The following RPS6KA6 variants were observed in gnomAD, a reference collection of about 807,000 sequenced individuals.
RPS6KA6 encodes the protein ribosomal protein S6 kinase A6.
A neutral mutation model predicts 65.4 loss-of-function variants in RPS6KA6; 27 were observed. The ratio of observed to expected loss-of-function variants is 0.41; its 90% confidence interval spans 0.30 to 0.57. The LOEUF is 0.57. Ranked by LOEUF, RPS6KA6 falls within the 20% of genes least tolerant of loss-of-function variation. The probability of loss-of-function intolerance (pLI) is 0.24; values close to 1 mark genes in which losing one functional copy is unlikely to be tolerated. For synonymous variants in RPS6KA6, 190 were observed against 184.2 expected (o/e 1.03, Z -0.26); for missense variants, 486 against 555.6 (o/e 0.87, Z 1.26).
rs987473045 is a variant in RPS6KA6 at position 84,143,448 on chromosome X, A to G, written c.501+2030T>C. Among the ~76,000 whole-genome samples, 8 of 111,339 alleles carry G rather than the reference A, an allele frequency of 7.2e-5. No individual in the cohort carries two copies. The Admixed American group carries it at 7.6e-4, about 11-fold the overall frequency. The stretch of plus-strand genomic sequence containing the variant: ...AATTAGGAAGTCAATTCTATTTACA[A>G]TAACATTAAAAACAGGATTTACTTA... On this transcript the variant is annotated intron_variant, in intron 6 of 21. Transcript: ENST00000262752.
chrX:84,094,320 A>C (rs1205890048), intron 20 of RPS6KA6, among the ~76,000 whole-genome samples: 7 of 107,995 alleles, frequency 6.5e-5, no homozygotes, highest in Non-Finnish European at 1.1e-4. Flanking sequence ...AAAAAAAAAA[A>C]AAAAAAAAAA....
rs190064392 is a variant in RPS6KA6, at chrX:84,107,593, T to C, written c.1111+30A>G. ...TTTTAAACTATCTACTTAAATAAAA[T>C]CTCTGATTTTACAGATAAACATGCA... On this transcript the variant is annotated intron_variant, in intron 13 of 21. Coordinates refer to ENST00000262752, the MANE Select transcript of RPS6KA6 (RefSeq NM_014496.5). 4.6e-4 allele frequency: 415 copies of C among 902,573 alleles called. 9 individuals are homozygous for C. In the Admixed American group the frequency reaches 0.011, roughly 24 times the overall value. 74.4% of individuals were successfully genotyped at this position (902,573 alleles called of 1,213,427 possible).
At chrX:84,101,195 G>A (rs1185817456) in intron 18 of RPS6KA6, among the ~76,000 whole-genome samples, 4 of 111,085 alleles carry the variant, frequency 3.6e-5, no homozygotes, top group Non-Finnish European at 7.6e-5. Flanking sequence ...GTAATTACAT[G>A]TCAGTATTAT....
intron 1 of RPS6KA6, among the ~76,000 whole-genome samples, chrX:84,172,811 C>T (rs1021659114): frequency 9.9e-5 from 11 of 111,570 alleles, no homozygotes; most frequent in Admixed American, 5.7e-4. Context: ...TTCTGACACA[C>T]GCTGCAACAT....
At chrX:84,097,204 T>A (rs2034175808) in intron 19 of RPS6KA6, among the ~76,000 whole-genome samples, 1 of 111,768 alleles carries the variant, frequency 8.9e-6, no homozygotes, top group Non-Finnish European at 1.9e-5. Flanking sequence ...TAAATAAAAG[T>A]GCTACTCATT....
chrX:84,070,993 C>T (rs988505407), intron 20 of RPS6KA6, among the ~76,000 whole-genome samples: 4 of 111,135 alleles, frequency 3.6e-5, no homozygotes, highest in African/African-American at 1.3e-4. Context: ...AAAGTGATTC[C>T]TAATAGTGGG....
chrX:84,102,022 GT>G lies in RPS6KA6; in HGVS notation c.1776+14del. 8.7e-7 allele frequency: 1 copy of G among 1,154,511 alleles called. No homozygotes were observed. Among genetic ancestry groups the G allele is most frequent in the Non-Finnish European group, 1.2e-6 (1 of 864,282 alleles). ...AAAAGAATGAAAGGCAAATGGTGAA[GT>G]TTTTAAGGAATACCTCAGGTGCAAC... On this transcript the variant is annotated intron_variant, in intron 18 of 21. Transcript: ENST00000262752.
intron 1 of RPS6KA6, among the ~76,000 whole-genome samples, chrX:84,183,022 A>G: frequency 8.9e-6 from 1 of 112,391 alleles, no homozygotes; most frequent in East Asian, 2.8e-4. Context: ...AAAGAATTTA[A>G]GCATTCTAAG....
At chrX:84,129,872 T>C (rs1459326356) in intron 8 of RPS6KA6, among the ~76,000 whole-genome samples, 1 of 110,788 alleles carries the variant, frequency 9.0e-6, no homozygotes, top group East Asian at 2.8e-4. Flanking sequence ...ACTTAGGGGA[T>C]GAGGGATGGA....
At chrX:84,150,926 G>GAT (rs1296419185) in intron 3 of RPS6KA6, among the ~76,000 whole-genome samples, 10 of 73,449 alleles carry the variant, frequency 1.4e-4, no homozygotes, top group Non-Finnish European at 2.7e-4. Context: ...ATATATATAG[G>GAT]ATATATATAT....
chrX:84,186,045 A>G (rs1172873499), intron 1 of RPS6KA6: 2 of 511,814 alleles, frequency 3.9e-6, no homozygotes, highest in Admixed American at 5.3e-5. Context: ...CAGAAATACT[A>G]TCTTCACCAC....
At chrX:84,102,405 T>C (rs1450055689) in intron 17 of RPS6KA6, among the ~76,000 whole-genome samples, 2 of 110,944 alleles carry the variant, frequency 1.8e-5, no homozygotes, top group Non-Finnish European at 3.8e-5. Flanking sequence ...CCAGTTTCTA[T>C]TGTCTCAAAA....
intron 20 of RPS6KA6, among the ~76,000 whole-genome samples, chrX:84,080,457 A>G (rs954267150): frequency 6.3e-5 from 5 of 78,924 alleles, no homozygotes; most frequent in Non-Finnish European, 1.2e-4. Flanking sequence ...TGCACTCAAT[A>G]CAGGAGCACC....
rs190216053 is a variant in RPS6KA6 at position 84,141,400 on chromosome X, A to G, written c.501+4078T>C. ...CTACAAGACAACAGCAGAGATAAAA[A>G]TGAAATTGTAAAAAAAAAAAAAGTA... On this transcript the variant is annotated intron_variant, in intron 6 of 21. Transcript: ENST00000262752. 8.4e-3 allele frequency among the ~76,000 whole-genome samples: 897 copies of G among 107,272 alleles called. 15 individuals are homozygous for G. The highest frequency in any genetic ancestry group is 0.029 in the African/African-American group (865 of 30,182). The allele number at this position is 107,272 out of a possible 115,157, so 93.2% of individuals were successfully genotyped here. A position where few individuals can be genotyped will look rare whatever the true frequency, so the allele number is the denominator to read the frequency against.
upstream of RPS6KA6, among the ~76,000 whole-genome samples, chrX:84,188,210 C>A (rs1167825194): frequency 2.7e-5 from 3 of 111,653 alleles, no homozygotes; most frequent in Non-Finnish European, 5.7e-5. Flanking sequence ...CCCCCAACAC[C>A]CCACTTCCTC....
At chrX:84,173,441 T>G (rs1364957512) in intron 1 of RPS6KA6, among the ~76,000 whole-genome samples, 1 of 111,927 alleles carries the variant, frequency 8.9e-6, no homozygotes, top group Non-Finnish European at 1.9e-5. Context: ...CTAAAGCAGC[T>G]GGCACAGTGT....
intron 20 of RPS6KA6, among the ~76,000 whole-genome samples, chrX:84,086,302 T>C (rs979764747): frequency 4.5e-5 from 5 of 111,868 alleles, no homozygotes; most frequent in Admixed American, 1.9e-4. Flanking sequence ...TTTTGTGCTA[T>C]AAATTTCCCT....
chrX:84,128,252 C>T (rs182615535), intron 8 of RPS6KA6, among the ~76,000 whole-genome samples: 1 of 110,697 alleles, frequency 9.0e-6, no homozygotes, highest in Admixed American at 9.6e-5. Flanking sequence ...TAGTAATTAA[C>T]CAAGAAGTAA....
intron 6 of RPS6KA6, among the ~76,000 whole-genome samples, chrX:84,140,612 T>A (rs1332719174): frequency 9.4e-6 from 1 of 106,023 alleles, no homozygotes; most frequent in Non-Finnish European, 1.9e-5. Flanking sequence ...TGTGCACCTG[T>A]AGTCCCAGCT....
Sources: gnomAD v4.1 joint callset for allele counts (sites outside exome capture counted in the v4.1 genomes callset) on GRCh38, gnomAD v4.1.1 for gene constraint, MANE v1.5 for transcripts, NCBI Gene and HGNC (gene_info 2026-07-23, HGNC 2026-07-21) for gene names.